Variants in KPNA1 observed in about 807,000 individuals in gnomAD.
KPNA1 encodes the protein karyopherin subunit alpha 1.
A neutral mutation model predicts 70.5 loss-of-function variants in KPNA1; 10 were observed. The ratio of observed to expected loss-of-function variants is 0.14; its 90% CI spans 0.09 to 0.24. The LOEUF is 0.24. KPNA1 is among the 10% of genes least tolerant of loss of function. The pLI is 1.00. For missense variants in KPNA1, 397 were observed against 637.9 expected (o/e 0.62, Z 4.07); for synonymous variants, 192 against 221.9 (o/e 0.87, Z 1.20).
chr3:122,514,608 C>T (rs1177375594), intron 1 of KPNA1, 149 bp downstream of exon 1: 7 of 151,998 alleles, frequency 4.6e-5, no homozygotes, highest in Admixed American at 1.3e-4. Context: ...GACGCACGGA[C>T]GCGGCGCGAG....
At chr3:122,485,436 C>T (rs1443901499) in intron 2 of KPNA1, among the ~76,000 whole-genome samples, 1 of 146,092 alleles carries the variant, frequency 6.8e-6, no homozygotes, top group Non-Finnish European at 1.5e-5. Context: ...GGCACCTGAA[C>T]GACTGGATAG....
chr3:122,451,129 C>G (rs575036674), intron 8 of KPNA1, among the ~76,000 whole-genome samples: 1 of 152,062 alleles, frequency 6.6e-6, no homozygotes, highest in East Asian at 1.9e-4. Context: ...CCACCTGTTC[C>G]CCAAAAACCT....
chr3:122,462,854 C>G (rs996362520), intron 4 of KPNA1, among the ~76,000 whole-genome samples: 1 of 152,088 alleles, frequency 6.6e-6, no homozygotes, highest in Non-Finnish European at 1.5e-5. Context: ...ACGTTATAAT[C>G]GGGTTCAGAA....
At chr3:122,459,474 T>C (rs1474777512) in intron 5 of KPNA1, 19 of 985,282 alleles carry the variant, frequency 1.9e-5, no homozygotes, top group East Asian at 2.3e-4. Flanking sequence ...AATGATAAAC[T>C]GCAGTAAGGT....
chr3:122,433,169 G>A (rs1483483717), intron 12 of KPNA1: 3 of 152,442 alleles, frequency 2.0e-5, no homozygotes, highest in Non-Finnish European at 4.4e-5. Flanking sequence ...TAGTACTTTA[G>A]AAGATACCTG....
rs1422602362 is a variant in KPNA1, at chr3:122,424,386, G to A, written c.*2599C>T. ...AAAATGTCATTTCTGTTACCAAAAA[G>A]CCTGCTTCAGTACCAAGTTCCAACA... On this transcript the variant is annotated 3_prime_UTR_variant, in exon 14 of 14. Transcript: ENST00000344337. 6.6e-6 allele frequency: 1 copy of A among 152,168 alleles called. No homozygotes were observed. Among genetic ancestry groups the A allele is most frequent in the African/African-American group, 2.4e-5 (1 of 41,516 alleles). 9.4% of individuals were successfully genotyped at this position (152,168 alleles called of 1,614,324 possible).
chr3:122,464,232 T>C (rs2076356711), intron 3 of KPNA1, 191 bp from the exon 4 acceptor site: 1 of 394,746 alleles, frequency 2.5e-6, no homozygotes, highest in African/African-American at 2.1e-5. Flanking sequence ...ATTCTTTGTC[T>C]ATCATTAAAA....
At chr3:122,457,527 A>C (rs961803879) in intron 5 of KPNA1, among the ~76,000 whole-genome samples, 1 of 152,224 alleles carries the variant, frequency 6.6e-6, no homozygotes, top group Admixed American at 6.5e-5. Flanking sequence ...GAAACAAGCT[A>C]TCATGCAGCT....
At position 122,422,990 on chromosome 3, in the gene KPNA1, C is replaced by T. The variant is rs563119845; in HGVS notation, c.*3995G>A. ...TTTTAAATTAGCATATAAATATTTGCTTTATCAGATATTCTGATGTCCTGG... is the reference window on the plus strand; with the variant it reads ...TTTTAAATTAGCATATAAATATTTGTTTTATCAGATATTCTGATGTCCTGG... On this transcript the variant is annotated 3_prime_UTR_variant, in exon 14 of 14. Coordinates refer to ENST00000344337, the MANE Select transcript of KPNA1 (RefSeq NM_002264.4). 2.6e-5 allele frequency: 4 copies of T among 152,262 alleles called. No homozygotes were observed. In the East Asian group the frequency reaches 7.7e-4, roughly 29 times the overall value. The allele number at this position is 152,262 out of a possible 1,614,324, so 9.4% of individuals were successfully genotyped here.
At chr3:122,471,497 A>AT (rs1234177999) in intron 2 of KPNA1, among the ~76,000 whole-genome samples, 10 of 152,264 alleles carry the variant, frequency 6.6e-5, no homozygotes, top group African/African-American at 2.4e-4. Context: ...AAAAACACAG[A>AT]TTAAAAGTAA....
At chr3:122,468,464 G>A (rs1254162932) in intron 2 of KPNA1, among the ~76,000 whole-genome samples, 1 of 152,124 alleles carries the variant, frequency 6.6e-6, no homozygotes, top group East Asian at 1.9e-4. Context: ...ACTCATTCTA[G>A]GAGATCAGCA....
At chr3:122,473,942 C>A (rs1003066249) in intron 2 of KPNA1, among the ~76,000 whole-genome samples, 5 of 151,994 alleles carry the variant, frequency 3.3e-5, no homozygotes. Context: ...ACACAGTCGT[C>A]CACATGGAGA....
intron 2 of KPNA1, among the ~76,000 whole-genome samples, chr3:122,477,202 A>G (rs1465957199): frequency 6.6e-6 from 1 of 152,218 alleles, no homozygotes; most frequent in African/African-American, 2.4e-5. Flanking sequence ...TCTCACTTTT[A>G]TGTGGAATCT....
At chr3:122,453,766 G>A (rs1364856436) in intron 6 of KPNA1, 104 bp downstream of exon 6, 12 of 1,094,656 alleles carry the variant, frequency 1.1e-5, no homozygotes, top group Admixed American at 5.4e-5. Context: ...CGAACTCCTC[G>A]TGATCCACCC....
intron 9 of KPNA1, among the ~76,000 whole-genome samples, chr3:122,444,242 T>C (rs1311720765): frequency 6.6e-6 from 1 of 152,230 alleles, no homozygotes; most frequent in Non-Finnish European, 1.5e-5. Flanking sequence ...TGAAAATCAC[T>C]GTTATCTTGT....
chr3:122,470,844 CA>C (rs1029387190), intron 2 of KPNA1, among the ~76,000 whole-genome samples: 68 of 143,734 alleles, frequency 4.7e-4, no homozygotes, highest in African/African-American at 4.8e-4. Context: ...AAACTAGAAA[CA>C]AAAAAAAAAG....
intron 1 of KPNA1, among the ~76,000 whole-genome samples, chr3:122,498,736 G>T (rs2076791257): frequency 6.6e-6 from 1 of 151,888 alleles, no homozygotes; most frequent in African/African-American, 2.4e-5. Context: ...GGCTATAATT[G>T]ATCCCTTGCA....
intron 9 of KPNA1, among the ~76,000 whole-genome samples, chr3:122,445,668 CAAT>C (rs778281743): frequency 6.6e-6 from 1 of 152,102 alleles, no homozygotes; most frequent in African/African-American, 2.4e-5. Context: ...TCACACATAA[CAAT>C]AATAACCTTA....
chr3:122,501,879 T>C (rs2076833153), intron 1 of KPNA1, among the ~76,000 whole-genome samples: 1 of 152,198 alleles, frequency 6.6e-6, no homozygotes, highest in South Asian at 2.1e-4. Context: ...CTCTCATTCA[T>C]TTACTGCATA....
Sources: gnomAD v4.1 joint callset for allele counts (sites outside exome capture counted in the v4.1 genomes callset) on GRCh38, gnomAD v4.1.1 for gene constraint, MANE v1.5 for transcripts, NCBI Gene and HGNC (gene_info 2026-07-23, HGNC 2026-07-21) for gene names.